Variants in ADAMTS3 observed in about 807,000 individuals in gnomAD.
ADAMTS3 encodes A disintegrin and metalloproteinase with thrombospondin motifs 3.
Under a neutral mutation model 129.0 loss-of-function variants are expected in ADAMTS3, and 73 were observed. That is an observed-to-expected ratio of 0.57 (90% confidence interval 0.47 to 0.69). The LOEUF is 0.69. Among genes scored for constraint, ADAMTS3 ranks in the 30% least tolerant of loss-of-function variants. ADAMTS3 has a pLI of 0.00. For missense variants in ADAMTS3, 1,457 were observed against 1,514.5 expected, an observed-to-expected ratio of 0.96 and a Z score of 0.63; for synonymous variants, 477 against 510.8, an observed-to-expected ratio of 0.93 and a Z score of 0.89.
chr4:72,507,790 G>C (rs1720202406), intron 3 of ADAMTS3, among the ~76,000 whole-genome samples: 1 of 152,076 alleles, frequency 6.6e-6, no homozygotes, highest in South Asian at 2.1e-4. Flanking sequence ...TATCCTGTTA[G>C]CCTAACAAAA....
intron 4 of ADAMTS3, among the ~76,000 whole-genome samples, chr4:72,401,205 T>G (rs192164920): frequency 6.6e-5 from 10 of 151,722 alleles, no homozygotes; most frequent in Admixed American, 3.9e-4. Context: ...TCCTAAAAGC[T>G]GGGAGTAGAA....
At chr4:72,286,989 GAAT>G (rs1718522838) in intron 21 of ADAMTS3, among the ~76,000 whole-genome samples, 1 of 152,120 alleles carries the variant, frequency 6.6e-6, no homozygotes, top group Non-Finnish European at 1.5e-5. Flanking sequence ...GGTATGGCCT[GAAT>G]GTGTGCCCCC....
chr4:72,398,756 CTAAG>C (rs1360439604), intron 4 of ADAMTS3, among the ~76,000 whole-genome samples: 6 of 152,130 alleles, frequency 3.9e-5, no homozygotes, highest in African/African-American at 1.2e-4. Context: ...ACACCAGTGA[CTAAG>C]TAAGCAAGTT....
At chr4:72,508,608 G>T (rs1237911309) in intron 3 of ADAMTS3, among the ~76,000 whole-genome samples, 1 of 152,020 alleles carries the variant, frequency 6.6e-6, no homozygotes, top group East Asian at 1.9e-4. Flanking sequence ...TCATAAACAA[G>T]AGTAATTTCA....
chr4:72,522,257 T>A (rs987762061), intron 3 of ADAMTS3, among the ~76,000 whole-genome samples: 1 of 152,122 alleles, frequency 6.6e-6, no homozygotes, highest in Non-Finnish European at 1.5e-5. Context: ...TAGGACAAAT[T>A]TCATCCTCAA....
At chr4:72,516,972 T>G (rs1046484880) in intron 3 of ADAMTS3, among the ~76,000 whole-genome samples, 2 of 152,172 alleles carry the variant, frequency 1.3e-5, no homozygotes, top group Admixed American at 6.5e-5. Flanking sequence ...TAGCTGTGAG[T>G]TTGCATAGAT....
chr4:72,563,286 T>C (rs367954367), intron 2 of ADAMTS3, among the ~76,000 whole-genome samples: 1 of 152,092 alleles, frequency 6.6e-6, no homozygotes, highest in Admixed American at 6.6e-5. Flanking sequence ...GGACAAAAGA[T>C]AAATCAGTAA....
intron 3 of ADAMTS3, among the ~76,000 whole-genome samples, chr4:72,430,237 T>C (rs1722665092): frequency 6.6e-6 from 1 of 152,008 alleles, no homozygotes; most frequent in Admixed American, 6.6e-5. Context: ...CATGACTCAC[T>C]TGCAACTGAA....
chr4:72,317,328 C>T (rs1361267739), intron 10 of ADAMTS3, among the ~76,000 whole-genome samples: 3 of 152,114 alleles, frequency 2.0e-5, no homozygotes, highest in African/African-American at 4.8e-5. Flanking sequence ...ATTAGGAGCT[C>T]ACAGTGTATA....
chr4:72,548,368 G>T, intron 3 of ADAMTS3, 110 bp downstream of exon 3: 1 of 1,157,276 alleles, frequency 8.6e-7, no homozygotes, highest in African/African-American at 1.5e-5. Flanking sequence ...AACTTAAAAT[G>T]TAACATAACA....
chr4:72,543,184 T>C (rs1475196794), intron 3 of ADAMTS3, among the ~76,000 whole-genome samples: 1 of 152,176 alleles, frequency 6.6e-6, no homozygotes, highest in East Asian at 1.9e-4. Flanking sequence ...GGTTCTAGTT[T>C]AAGGCACTAA....
At chr4:72,551,511 T>C (rs2109793519) in intron 2 of ADAMTS3, among the ~76,000 whole-genome samples, 1 of 152,292 alleles carries the variant, frequency 6.6e-6, no homozygotes, top group South Asian at 2.1e-4. Context: ...GAATGAGTCA[T>C]TTTTCTGTTG....
At chr4:72,459,576 T>A (rs1176816511) in intron 3 of ADAMTS3, among the ~76,000 whole-genome samples, 1 of 151,502 alleles carries the variant, frequency 6.6e-6, no homozygotes, top group Admixed American at 6.6e-5. Flanking sequence ...GAAAAAGGAA[T>A]AATAACAAGA....
chr4:72,378,903 G>A (rs914908302), intron 4 of ADAMTS3, among the ~76,000 whole-genome samples: 1 of 152,090 alleles, frequency 6.6e-6, no homozygotes, highest in African/African-American at 2.4e-5. Flanking sequence ...AGATTCTCGA[G>A]TTGTTAAAAT....
intron 3 of ADAMTS3, among the ~76,000 whole-genome samples, chr4:72,425,424 G>A (rs901574262): frequency 3.9e-5 from 6 of 152,018 alleles, no homozygotes; most frequent in Non-Finnish European, 8.8e-5. Flanking sequence ...ATGTTGGTGT[G>A]CTGCACCCAT....
chr4:72,364,167 C>A (rs555112718), intron 4 of ADAMTS3, among the ~76,000 whole-genome samples: 3 of 151,678 alleles, frequency 2.0e-5, no homozygotes, highest in Non-Finnish European at 4.4e-5. Flanking sequence ...ATGAAAAATT[C>A]CAAATTCAAA....
intron 3 of ADAMTS3, among the ~76,000 whole-genome samples, chr4:72,420,960 G>T (rs367617603): frequency 8.5e-5 from 13 of 152,232 alleles, no homozygotes; most frequent in African/African-American, 3.1e-4. Flanking sequence ...TAACCGCAAT[G>T]GATTTGGGAT....
rs1444133655 is a variant in ADAMTS3, at chr4:72,303,992, C to T, written c.2349G>A (p.Glu783=). The change falls in exon 17 of 22, where the codon GAG becomes GAA. Residue 783 remains glutamate, a synonymous_variant. Coordinates refer to ENST00000286657, the MANE Select transcript of ADAMTS3 (RefSeq NM_014243.3). ...TGTCATCTTCAATGTTATAATCCCA[C>T]TCCACACCAAGATCTATGAAGGTCC... The part of the protein sequence containing the change: ...KSRTFIDLGV[E]WDYNIEDDIE... 1 of 1,613,644 alleles carries T rather than the reference C, an allele frequency of 6.2e-7. No individual in the cohort carries two copies. The highest frequency in any genetic ancestry group is 1.3e-5 in the African/African-American group (1 of 74,894).
intron 4 of ADAMTS3, among the ~76,000 whole-genome samples, chr4:72,398,544 CA>C (rs1721787452): frequency 6.6e-6 from 1 of 152,114 alleles, no homozygotes; most frequent in African/African-American, 2.4e-5. Context: ...CACTGCACTC[CA>C]GCCTGGGTGA....
Sources: allele counts gnomAD v4.1 joint callset (sites outside exome capture counted in the v4.1 genomes callset), GRCh38; gene constraint gnomAD v4.1.1; transcripts MANE v1.5; gene names NCBI Gene and HGNC (gene_info 2026-07-23, HGNC 2026-07-21).